Variants in ILK observed in about 807,000 individuals in gnomAD.
ILK encodes the protein scaffold protein ILK.
A neutral mutation model predicts 57.8 loss-of-function variants in ILK; 37 were observed. The ratio of observed to expected loss-of-function variants is 0.64; its 90% CI spans 0.49 to 0.84. ILK has a LOEUF of 0.84. Among genes scored for constraint, ILK ranks in the 40% least tolerant of loss-of-function variants. ILK has a pLI of 0.00. For missense variants in ILK, 528 were observed against 595.7 expected (o/e 0.89, Z 1.18); for synonymous variants, 231 against 202.2 (o/e 1.14, Z -1.21).
intron 7 of ILK, 64 bp from the exon 8 acceptor site, chr11:6,609,235 C>G: frequency 6.2e-7 from 1 of 1,601,560 alleles, no homozygotes; most frequent in Non-Finnish European, 8.6e-7. Context: ...AGTTTTTCCT[C>G]CAGTTAGTGG....
At position 6,610,768 on chromosome 11, in the gene ILK, G is replaced by T. The variant is rs780189031; in HGVS notation, c.*157G>T. On this transcript the variant is annotated 3_prime_UTR_variant, in exon 13 of 13. Coordinates refer to ENST00000299421, the MANE Select transcript of ILK (RefSeq NM_004517.4). ...CCCCTTCCCCCATCCCTACCACTGT[G>T]GCCCCAAGAGGGGCGGGCTCAGAGC... 3.1e-6 allele frequency: 4 copies of T among 1,310,388 alleles called. No homozygotes were observed. The highest frequency in any genetic ancestry group is 2.2e-4 in the Middle Eastern group (1 of 4,450). The allele number at this position is 1,310,388 out of a possible 1,614,324, so 81.2% of individuals were successfully genotyped here.
intron 7 of ILK, 66 bp downstream of exon 7, chr11:6,609,222 T>C (rs1370289049): frequency 6.2e-7 from 1 of 1,602,580 alleles, no homozygotes; most frequent in Non-Finnish European, 8.5e-7. Context: ...TGTACCTGTT[T>C]TAAGTTTTTC....
chr11:6,610,124 A>G, intron 11 of ILK, 24 bp from the exon 12 acceptor site: 2 of 1,614,206 alleles, frequency 1.2e-6, no homozygotes, highest in Non-Finnish European at 1.7e-6. Flanking sequence ...AGGGGGCCAG[A>G]ACAGACAAGC....
At chr11:6,605,333 A>G (rs1854763085) in intron 2 of ILK, among the ~76,000 whole-genome samples, 1 of 151,952 alleles carries the variant, frequency 6.6e-6, no homozygotes, top group Admixed American at 6.6e-5. Context: ...AGGTCAGGGG[A>G]CAGGAAGCCT....
At chr11:6,604,541 A>G in intron 2 of ILK, 181 bp downstream of exon 2, 1 of 677,944 alleles carries the variant, frequency 1.5e-6, no homozygotes, top group Non-Finnish European at 2.7e-6. Flanking sequence ...TCTTGACTGC[A>G]GAATAAGAGT....
chr11:6,603,951 A>G lies in ILK; in HGVS notation c.-93+129A>G. On this transcript the variant is annotated intron_variant, in intron 1 of 12. Coordinates refer to ENST00000299421, the MANE Select transcript of ILK (RefSeq NM_004517.4). ...GAGTATACGGAGCCTGAACCTCCCC[A>G]CTTCCCCCAACTCTGTTCGCGGATA... is the stretch of plus-strand genomic sequence containing the variant. The G allele has an allele frequency of 7.9e-6, 4 of 504,372 alleles. No homozygotes were observed. In the East Asian group the frequency reaches 1.4e-4, roughly 18 times the overall value. The allele number at this position is 504,372 out of a possible 1,614,324, so 31.2% of individuals were successfully genotyped here.
chr11:6,605,513 G>GT (rs10706340), intron 2 of ILK, among the ~76,000 whole-genome samples: 77 of 147,888 alleles, frequency 5.2e-4, no homozygotes, highest in Middle Eastern at 6.9e-3. Context: ...TTACAGTTGG[G>GT]TTTTTTTTTT....
chr11:6,609,436 C>G, intron 8 of ILK, 28 bp downstream of exon 8: 1 of 1,613,600 alleles, frequency 6.2e-7, no homozygotes, highest in South Asian at 1.1e-5. Flanking sequence ...CTGGAAGCTG[C>G]TAGTTCCAAG....
At chr11:6,609,686 G>C (rs1053720586) in intron 9 of ILK, 38 bp from the exon 10 acceptor site, 4 of 1,614,168 alleles carry the variant, frequency 2.5e-6, no homozygotes, top group Non-Finnish European at 2.5e-6. Context: ...GGCAGAGAGG[G>C]AGCCTCTCTG....
chr11:6,610,430 T>C (rs965048999), intron 12 of ILK, 32 bp from the exon 13 acceptor site: 3 of 1,614,004 alleles, frequency 1.9e-6, no homozygotes, highest in Non-Finnish European at 2.5e-6. Context: ...CAGACTCAAA[T>C]TGTGAGGCTG....
chr11:6,605,950 T>C (rs1277432095), intron 2 of ILK, among the ~76,000 whole-genome samples: 1 of 152,070 alleles, frequency 6.6e-6, no homozygotes, highest in African/African-American at 2.4e-5. Context: ...CCGAGGCTGG[T>C]GGATCACGAG....
rs12273249 is a variant in ILK, at chr11:6,605,568, C to A, written c.89+1208C>A. ...TGCAGGTTTGTTGGATGGGTAAACT[C>A]AGGTCATGGAGGTTTGTTGTGCAGA... On this transcript the variant is annotated intron_variant, in intron 2 of 12. Coordinates refer to ENST00000299421, the MANE Select transcript of ILK (RefSeq NM_004517.4). Among the ~76,000 whole-genome samples, 1,399 of 151,398 alleles carry A rather than the reference C, an allele frequency of 9.2e-3. 26 individuals carry two copies. The highest frequency in any genetic ancestry group is 0.032 in the African/African-American group (1,334 of 41,244).
In ILK at chr11:6,603,919, T is replaced by TC. The variant is rs1854552690; in HGVS notation, c.-93+98dup. On this transcript the variant is annotated intron_variant, in intron 1 of 12. Transcript: ENST00000299421. ...ACCCTGGGGAGGACCCCCGGTCCCC[T>TC]CTCCCAGAGTATACGGAGCCTGAAC... 4.4e-6 allele frequency: 2 copies of TC among 451,400 alleles called. 1 individual carries two copies. The highest frequency in any genetic ancestry group is 8.4e-5 in the East Asian group (2 of 23,940). The allele number at this position is 451,400 out of a possible 1,614,324, so 28.0% of individuals were successfully genotyped here. A position where few individuals can be genotyped will look rare whatever the true frequency, so the allele number is the denominator to read the frequency against.
At chr11:6,605,305 A>G (rs1397354149) in intron 2 of ILK, among the ~76,000 whole-genome samples, 2 of 152,154 alleles carry the variant, frequency 1.3e-5, no homozygotes, top group Non-Finnish European at 2.9e-5. Flanking sequence ...AGAACGTCTC[A>G]GGAGAGTGGA....
chr11:6,609,784 C>T lies in ILK; in HGVS notation c.917C>T (p.Ala306Val), dbSNP rs1855315220. The T allele has an allele frequency of 6.2e-7, 1 of 1,614,024 alleles. No homozygotes were observed. Among genetic ancestry groups the T allele is most frequent in the Non-Finnish European group, 8.5e-7 (1 of 1,180,020 alleles). Residue 306 changes from alanine to valine, a missense_variant, in exon 10 of 13, where the codon GCC becomes GTC. Coordinates refer to ENST00000299421, the MANE Select transcript of ILK (RefSeq NM_004517.4). Reference protein sequence around the residue: ...KFALDMARGMAFLHTLEPLIP... With the variant: ...KFALDMARGMVFLHTLEPLIP... ...GCTTTGGACATGGCAAGGGGCATGGCCTTCCTACACACACTAGAGCCCCTC... is the reference window on the plus strand; with the variant it reads ...GCTTTGGACATGGCAAGGGGCATGGTCTTCCTACACACACTAGAGCCCCTC...
rs1470264363 is a variant in ILK, at chr11:6,609,918, C to A, written c.979-18C>A. On this transcript the variant is annotated intron_variant, in intron 10 of 12. Transcript: ENST00000299421. ...CTATCTATGACTTACCTCCTTCTATCTGTTTTCTCTTCCTCAGATTGATGA... is the reference window on the plus strand; with the variant it reads ...CTATCTATGACTTACCTCCTTCTATATGTTTTCTCTTCCTCAGATTGATGA... 1.9e-6 allele frequency: 3 copies of A among 1,614,042 alleles called. No individual in the cohort carries two copies. The highest frequency in any genetic ancestry group is 1.7e-5 in the Admixed American group (1 of 60,012).
Position 6,610,581 on chromosome 11 carries a change from G to A in ILK, c.1329G>A (p.Val443=). ...PAKRPKFDMI[V]PILEKMQDK is the part of the protein sequence containing the mutation. ...AGCGACCCAAATTTGACATGATTGT[G>A]CCTATCCTTGAGAAGATGCAGGACA... The change falls in exon 13 of 13, where the codon GTG becomes GTA. Residue 443 remains valine (V), a synonymous_variant. Coordinates refer to ENST00000299421, the MANE Select transcript of ILK (RefSeq NM_004517.4). 1.9e-6 allele frequency: 3 copies of A among 1,614,226 alleles called. No homozygotes were observed. Among genetic ancestry groups the A allele is most frequent in the Non-Finnish European group, 2.5e-6 (3 of 1,180,034 alleles).
rs946680785 is a variant in ILK, at chr11:6,604,367, T to C, written c.89+7T>C. The C allele has an allele frequency of 6.2e-7, 1 of 1,600,292 alleles. No individual in the cohort carries two copies. Among genetic ancestry groups the C allele is most frequent in the African/African-American group, 1.3e-5 (1 of 74,588 alleles). On this transcript the variant is annotated splice_region_variant and intron_variant, in intron 2 of 12. Transcript: ENST00000299421. ...AGAACGACCTCAACCAGGGGTGAGC[T>C]GAAACGGTTGGTGGATGAGAGGAAG... is the stretch of plus-strand genomic sequence containing the variant.
chr11:6,605,062 G>T, intron 2 of ILK: 1 of 345,444 alleles, frequency 2.9e-6, no homozygotes, highest in Non-Finnish European at 5.7e-6. Flanking sequence ...TTGGGAACTT[G>T]GTTGTTTTTA....
Sources: allele counts gnomAD v4.1 joint callset (sites outside exome capture counted in the v4.1 genomes callset), GRCh38; gene constraint gnomAD v4.1.1; transcripts MANE v1.5; gene names NCBI Gene and HGNC (gene_info 2026-07-23, HGNC 2026-07-21).